Variants in TMPRSS11F observed in about 807,000 individuals in gnomAD.
The protein encoded by TMPRSS11F is transmembrane serine protease 11F, also known as transmembrane protease serine 11F.
TMPRSS11F carries 47 observed loss-of-function variants against 60.2 expected under a neutral mutation model. That is an observed-to-expected ratio of 0.78 (90% CI 0.62 to 1.00). The LOEUF is 1.00. Among genes scored for constraint, TMPRSS11F ranks in the 50% least tolerant of loss-of-function variants. The pLI is 0.00. For missense variants in TMPRSS11F, 519 were observed against 522.9 expected (o/e 0.99, Z 0.07); for synonymous variants, 166 against 167.3 (o/e 0.99, Z 0.06).
intron 1 of TMPRSS11F, among the ~76,000 whole-genome samples, chr4:68,127,594 C>T (rs994696704): frequency 1.3e-5 from 2 of 152,074 alleles, no homozygotes; most frequent in South Asian, 4.1e-4. Flanking sequence ...TCTTTGAAAT[C>T]ATAGAATTAA....
chr4:68,116,877 C>T (rs1020287257), intron 1 of TMPRSS11F, among the ~76,000 whole-genome samples: 1 of 151,948 alleles, frequency 6.6e-6, no homozygotes, highest in Admixed American at 6.6e-5. Flanking sequence ...AAAACTGAAA[C>T]ATTAAAACTC....
intron 1 of TMPRSS11F, among the ~76,000 whole-genome samples, chr4:68,119,276 T>A (rs1336968195): frequency 6.6e-6 from 1 of 152,020 alleles, no homozygotes; most frequent in East Asian, 1.9e-4. Flanking sequence ...TCATGAGATT[T>A]AAGGAAAGAA....
At chr4:68,084,043 C>G (rs534040093) in intron 3 of TMPRSS11F, among the ~76,000 whole-genome samples, 5 of 152,148 alleles carry the variant, frequency 3.3e-5, no homozygotes, top group African/African-American at 1.2e-4. Flanking sequence ...GTTGGAACAA[C>G]AGAATAGACC....
intron 1 of TMPRSS11F, 126 bp downstream of exon 1, chr4:68,129,684 A>G (rs561826134): frequency 2.4e-6 from 2 of 830,234 alleles, no homozygotes; most frequent in East Asian, 5.2e-5. Flanking sequence ...ATAAAATACA[A>G]TAACACACAT....
intron 1 of TMPRSS11F, among the ~76,000 whole-genome samples, chr4:68,112,355 A>T (rs1724424306): frequency 6.6e-6 from 1 of 152,076 alleles, no homozygotes; most frequent in Admixed American, 6.5e-5. Context: ...CTTAAATGTT[A>T]CATCTCCATG....
At chr4:68,099,868 C>T (rs1724153645) in intron 1 of TMPRSS11F, among the ~76,000 whole-genome samples, 1 of 152,038 alleles carries the variant, frequency 6.6e-6, no homozygotes, top group Non-Finnish European at 1.5e-5. Flanking sequence ...TTGGGATGCC[C>T]ACACTTTAAA....
chr4:68,054,112 A>G, intron 9 of TMPRSS11F, 45 bp from the exon 10 acceptor site: 1 of 1,565,264 alleles, frequency 6.4e-7, no homozygotes, highest in Non-Finnish European at 8.7e-7. Flanking sequence ...ACTTTAATTC[A>G]GTGGGAAGGT....
intron 1 of TMPRSS11F, among the ~76,000 whole-genome samples, chr4:68,110,546 T>G (rs1724391780): frequency 6.6e-6 from 1 of 152,066 alleles, no homozygotes; most frequent in African/African-American, 2.4e-5. Context: ...GTAGTCCAGC[T>G]GTTCTATTTT....
chr4:68,101,693 T>G (rs1234828056), intron 1 of TMPRSS11F, among the ~76,000 whole-genome samples: 1 of 152,170 alleles, frequency 6.6e-6, no homozygotes, highest in Non-Finnish European at 1.5e-5. Context: ...CAACAGCATT[T>G]TTTTAGAAAA....
At position 68,091,761 on chromosome 4, in the gene TMPRSS11F, C is replaced by CTATCTATCTA. The variant is rs1298593698; in HGVS notation, c.164-1121_164-1120insTAGATAGATA. Among the ~76,000 whole-genome samples the CTATCTATCTA allele has an allele frequency of 6.6e-3, 727 of 110,682 alleles. 8 individuals carry two copies. Among genetic ancestry groups the CTATCTATCTA allele is most frequent in the African/African-American group, 0.024 (689 of 28,130 alleles). 72.6% of individuals were successfully genotyped at this position (110,682 alleles called of 152,430 possible). A position where few individuals can be genotyped will look rare whatever the true frequency, so the allele number is the denominator to read the frequency against. Reference sequence around the variant, plus strand: ...TTTAATCTCTAATCTCTCTCTCTCTCTCTCTCTCTCTCTCTCTCTCTCTAT... The same window carrying CTATCTATCTA: ...TTTAATCTCTAATCTCTCTCTCTCTCTATCTATCTATCTCTCTCTCTCTCTCTCTCTCTAT... On this transcript the variant is annotated intron_variant, in intron 2 of 9. Coordinates refer to ENST00000356291, the MANE Select transcript of TMPRSS11F (RefSeq NM_207407.2).
chr4:68,093,346 T>C (rs1723983854), intron 2 of TMPRSS11F, among the ~76,000 whole-genome samples: 1 of 152,158 alleles, frequency 6.6e-6, no homozygotes, highest in Non-Finnish European at 1.5e-5. Context: ...GCTAGCCATA[T>C]GTAGAAAGCT....
intron 3 of TMPRSS11F, among the ~76,000 whole-genome samples, chr4:68,081,770 C>T (rs1018325415): frequency 1.3e-5 from 2 of 152,084 alleles, no homozygotes; most frequent in African/African-American, 4.8e-5. Flanking sequence ...AACAGTTCCA[C>T]ACAAACTCTA....
At chr4:68,070,109 CAT>C in intron 5 of TMPRSS11F, 102 bp from the exon 6 acceptor site, 3 of 890,710 alleles carry the variant, frequency 3.4e-6, no homozygotes, top group Non-Finnish European at 5.2e-6. Context: ...TTATCTAAAG[CAT>C]ACATATTTCA....
rs113961623 is a variant in TMPRSS11F at position 68,059,774 on chromosome 4, G to A, written c.1016-306C>T. 3.4e-3 allele frequency among the ~76,000 whole-genome samples: 516 copies of A among 152,184 alleles called. 6 individuals carry two copies. The highest frequency in any genetic ancestry group is 0.012 in the African/African-American group (501 of 41,522). On this transcript the variant is annotated intron_variant, in intron 8 of 9. Transcript: ENST00000356291. ...TAGTCCTCATTAGATTCTCATACAG[G>A]TTCATAACATTGATCTTGTCCAACT...
chr4:68,061,953 A>G (rs1723187809), intron 8 of TMPRSS11F: 3 of 441,576 alleles, frequency 6.8e-6, no homozygotes, highest in Non-Finnish European at 1.3e-5. Flanking sequence ...GCTTGTCTGC[A>G]CTTAGATTTA....
intron 2 of TMPRSS11F, among the ~76,000 whole-genome samples, chr4:68,091,745 T>C (rs1053725185): frequency 2.0e-5 from 2 of 102,118 alleles, no homozygotes; most frequent in African/African-American, 7.7e-5. Flanking sequence ...ATTTAATCTC[T>C]AATCTCTCTC....
At chr4:68,126,836 G>T (rs1163900940) in intron 1 of TMPRSS11F, among the ~76,000 whole-genome samples, 2 of 152,216 alleles carry the variant, frequency 1.3e-5, no homozygotes, top group African/African-American at 4.8e-5. Context: ...ATTAAGATGT[G>T]AAGGTAGGAG....
intron 8 of TMPRSS11F, among the ~76,000 whole-genome samples, chr4:68,064,134 T>TC (rs1177124698): frequency 6.6e-6 from 1 of 151,244 alleles, no homozygotes; most frequent in Non-Finnish European, 1.5e-5. Flanking sequence ...TTTTTTTTTT[T>TC]CCACCGCTCT....
At chr4:68,111,635 C>T (rs1403150018) in intron 1 of TMPRSS11F, among the ~76,000 whole-genome samples, 1 of 152,148 alleles carries the variant, frequency 6.6e-6, no homozygotes, top group South Asian at 2.1e-4. Context: ...TGAAACTCCC[C>T]AAATGCCATC....
Sources: allele counts gnomAD v4.1 joint callset (sites outside exome capture counted in the v4.1 genomes callset), GRCh38; gene constraint gnomAD v4.1.1; transcripts MANE v1.5; gene names NCBI Gene and HGNC (gene_info 2026-07-23, HGNC 2026-07-21).